The following EML4 variants were observed in gnomAD, a reference collection of about 807,000 sequenced individuals.
The protein encoded by EML4 is echinoderm microtubule-associated protein-like 4.
A neutral mutation model predicts 129.0 loss-of-function variants in EML4; 72 were observed. The observed-to-expected ratio is 0.56, with a 90% CI of 0.46 to 0.68. The LOEUF (loss-of-function observed/expected upper bound fraction) is 0.68. Ranked by LOEUF, EML4 falls within the 30% of genes least tolerant of loss-of-function variation. The pLI, the probability that EML4 is intolerant of heterozygous loss-of-function variation, is 0.00. For synonymous variants in EML4, 532 were observed against 405.0 expected (o/e 1.31, Z -3.77); for missense variants, 1,363 against 1,190.6 (o/e 1.14, Z -2.13).
chr2:42,169,859 G>C (rs1409237364), intron 1 of EML4: 1 of 443,706 alleles, frequency 2.3e-6, no homozygotes, highest in Non-Finnish European at 3.9e-6. Context: ...TCCTCCCGGA[G>C]CCCCTTTCAG....
In EML4 at chr2:42,204,125, GCC is replaced by G. The variant is rs1166390539; in HGVS notation, c.25+34491_25+34492del. 2.0e-5 allele frequency among the ~76,000 whole-genome samples: 3 copies of G among 152,004 alleles called. No homozygotes were observed. In the East Asian group the frequency reaches 5.8e-4, roughly 29 times the overall value. ...TAATAGAGATGGGTCTCACTTTGTT[GCC>G]CAGGCTGGTCTCAAACTCCTGGGCT... On this transcript the variant is annotated intron_variant, in intron 1 of 22. Transcript: ENST00000318522.
At chr2:42,200,386 T>G (rs1672155904) in intron 1 of EML4, among the ~76,000 whole-genome samples, 2 of 152,072 alleles carry the variant, frequency 1.3e-5, no homozygotes, top group Non-Finnish European at 2.9e-5. Context: ...TCAACAAAAA[T>G]TATGGCCTTT....
intron 6 of EML4, among the ~76,000 whole-genome samples, chr2:42,279,154 G>C (rs1182296257): frequency 6.6e-6 from 1 of 152,100 alleles, no homozygotes; most frequent in Non-Finnish European, 1.5e-5. Flanking sequence ...TGCAAGATGT[G>C]TGTGTGTGTA....
chr2:42,286,518 G>A (rs1352584507), intron 10 of EML4, 139 bp downstream of exon 10: 3 of 631,816 alleles, frequency 4.7e-6, no homozygotes, highest in Non-Finnish European at 8.5e-6. Context: ...TAACATATTA[G>A]CTATTGCTAA....
chr2:42,253,337 G>A (rs891564202), intron 2 of EML4, among the ~76,000 whole-genome samples: 5 of 152,080 alleles, frequency 3.3e-5, no homozygotes, highest in East Asian at 1.9e-4. Flanking sequence ...ATAGTAATTC[G>A]TCCAAGATGC....
intron 13 of EML4, among the ~76,000 whole-genome samples, chr2:42,296,369 A>C (rs1442871528): frequency 6.6e-6 from 1 of 152,080 alleles, no homozygotes; most frequent in Non-Finnish European, 1.5e-5. Flanking sequence ...GGTAATGGGG[A>C]AATCACCCTG....
At chr2:42,250,105 A>C (rs940511636) in intron 2 of EML4, among the ~76,000 whole-genome samples, 1 of 152,186 alleles carries the variant, frequency 6.6e-6, no homozygotes, top group Non-Finnish European at 1.5e-5. Context: ...TGTGAAGACA[A>C]ACTGTTAGTA....
Position 42,330,257 on chromosome 2 carries a change from G to C in EML4, c.*50G>C. The C allele has an allele frequency of 6.4e-7, 1 of 1,551,034 alleles. No individual in the cohort carries two copies. The highest frequency in any genetic ancestry group is 8.9e-7 in the Non-Finnish European group (1 of 1,126,424). ...TTCCTTCAGCTGCATGTGATTTTGT[G>C]ATAAAGTTCAGGTAACAGGATGGGC... On this transcript the variant is annotated 3_prime_UTR_variant, in exon 23 of 23. Coordinates refer to ENST00000318522, the MANE Select transcript of EML4 (RefSeq NM_019063.5).
chr2:42,204,209 C>T (rs1010321238), intron 1 of EML4, among the ~76,000 whole-genome samples: 1 of 152,150 alleles, frequency 6.6e-6, no homozygotes, highest in Non-Finnish European at 1.5e-5. Context: ...TATAAGCCAC[C>T]ATACCTGGCC....
intron 3 of EML4, among the ~76,000 whole-genome samples, chr2:42,258,590 G>C (rs796085153): frequency 2.0e-5 from 3 of 152,008 alleles, no homozygotes; most frequent in Admixed American, 6.6e-5. Flanking sequence ...AGTAGAAACA[G>C]GGTTTCTCCA....
intron 1 of EML4, among the ~76,000 whole-genome samples, chr2:42,233,309 CT>C (rs1045073425): frequency 3.1e-3 from 424 of 136,798 alleles, no homozygotes; most frequent in Non-Finnish European, 3.2e-3. Context: ...AGGTTTCTTT[CT>C]TTTTTTTTTT....
At chr2:42,300,305 A>C (rs1306330018) in intron 13 of EML4, among the ~76,000 whole-genome samples, 1 of 152,234 alleles carries the variant, frequency 6.6e-6, no homozygotes, top group Non-Finnish European at 1.5e-5. Flanking sequence ...TATCTAGCTA[A>C]AGAGCTTCTC....
chr2:42,266,887 A>G (rs1161371598), intron 6 of EML4, among the ~76,000 whole-genome samples: 1 of 152,220 alleles, frequency 6.6e-6, no homozygotes, highest in East Asian at 1.9e-4. Flanking sequence ...ATATAGTGGC[A>G]TCTACTGAAA....
intron 11 of EML4, among the ~76,000 whole-genome samples, chr2:42,290,799 CAG>C (rs1351986653): frequency 6.6e-6 from 1 of 151,944 alleles, no homozygotes. Context: ...ACCTTACTGA[CAG>C]AAATTAAAGA....
intron 11 of EML4, among the ~76,000 whole-genome samples, chr2:42,294,901 C>T (rs987204670): frequency 6.6e-6 from 1 of 152,026 alleles, no homozygotes; most frequent in Non-Finnish European, 1.5e-5. Flanking sequence ...TCTAATGCAG[C>T]GTTTTTATAA....
chr2:42,218,672 A>C (rs1159545485), intron 1 of EML4, among the ~76,000 whole-genome samples: 1 of 152,174 alleles, frequency 6.6e-6, no homozygotes, highest in Non-Finnish European at 1.5e-5. Flanking sequence ...AGCCTTTCCT[A>C]CTCGGTTCCT....
intron 1 of EML4, among the ~76,000 whole-genome samples, chr2:42,191,975 A>G (rs893653719): frequency 6.6e-6 from 1 of 151,932 alleles, no homozygotes; most frequent in African/African-American, 2.4e-5. Flanking sequence ...CTCCATCCCT[A>G]CTAAAAATAC....
intron 11 of EML4, among the ~76,000 whole-genome samples, chr2:42,291,574 T>G (rs1344672893): frequency 1.3e-5 from 2 of 152,006 alleles, no homozygotes; most frequent in Non-Finnish European, 2.9e-5. Context: ...CAGCTAATTT[T>G]TGTATTTTTT....
rs192123103 is a variant in EML4, at chr2:42,223,572, C to A, written c.26-21933C>A. ...TTTACTGTAGCAGGTCATCTTTCTT[C>A]TCCTTGCTTACAAGGAAGTAACCAT... On this transcript the variant is annotated intron_variant, in intron 1 of 22. Coordinates refer to ENST00000318522, the MANE Select transcript of EML4 (RefSeq NM_019063.5). Among the ~76,000 whole-genome samples the A allele has an allele frequency of 1.1e-4, 16 of 152,202 alleles. 1 individual carries two copies. The highest frequency in any genetic ancestry group is 3.1e-4 in the African/African-American group (13 of 41,550).
Sources: allele counts gnomAD v4.1 joint callset (sites outside exome capture counted in the v4.1 genomes callset), GRCh38; gene constraint gnomAD v4.1.1; transcripts MANE v1.5; gene names NCBI Gene and HGNC (gene_info 2026-07-23, HGNC 2026-07-21).